NETO1: variants seen among roughly 807,000 people sequenced by gnomAD.
NETO1 encodes the protein neuropilin and tolloid-like protein 1.
In NETO1, 26 loss-of-function variants were observed where a neutral mutation model predicts 61.3. That is an observed-to-expected ratio of 0.42 (90% CI 0.31 to 0.59). NETO1 has a LOEUF of 0.59. Among genes scored for constraint, NETO1 ranks in the 20% least tolerant of loss-of-function variants. The pLI is 0.12. For synonymous variants in NETO1, 225 were observed against 225.8 expected, an observed-to-expected ratio of 1.00 and a Z score of 0.03; for missense variants, 531 against 662.8, an observed-to-expected ratio of 0.80 and a Z score of 2.18.
At chr18:72,859,505 C>A (rs2074504923) in intron 3 of NETO1, among the ~76,000 whole-genome samples, 1 of 152,118 alleles carries the variant, frequency 6.6e-6, no homozygotes, top group South Asian at 2.1e-4. Flanking sequence ...TTCAAATAAT[C>A]CAAGCCATGT....
chr18:72,791,912 T>C lies in NETO1; in HGVS notation c.639+2205A>G, dbSNP rs1464618758. On this transcript the variant is annotated intron_variant, in intron 6 of 10. Coordinates refer to ENST00000327305, the MANE Select transcript of NETO1 (RefSeq NM_138966.5). ...TTCATGTGAGCAACAGCTTTTGACT[T>C]AAAAAAATATAGAAGAAAAATAACT... Among the ~76,000 whole-genome samples the C allele has an allele frequency of 2.6e-5, 4 of 152,104 alleles. No homozygotes were observed. In the East Asian group the frequency reaches 7.7e-4, roughly 29 times the overall value.
At chr18:72,790,840 G>T (rs1309774268) in intron 6 of NETO1, among the ~76,000 whole-genome samples, 3 of 151,862 alleles carry the variant, frequency 2.0e-5, no homozygotes. Flanking sequence ...AGTTTTACTT[G>T]AGTCACAGAC....
intron 4 of NETO1, among the ~76,000 whole-genome samples, chr18:72,797,866 C>T (rs917373659): frequency 2.0e-5 from 3 of 152,160 alleles, no homozygotes; most frequent in African/African-American, 7.2e-5. Flanking sequence ...TGTCTCTCTG[C>T]AATAACTTTC....
intron 8 of NETO1, among the ~76,000 whole-genome samples, chr18:72,751,489 C>A (rs992574540): frequency 7.2e-5 from 11 of 152,290 alleles, no homozygotes; most frequent in African/African-American, 2.6e-4. Flanking sequence ...AAGCTACCAG[C>A]ATTTCTCAAT....
At chr18:72,846,534 A>AAAAAAAC (rs2074093515) in intron 4 of NETO1, among the ~76,000 whole-genome samples, 1 of 146,800 alleles carries the variant, frequency 6.8e-6, no homozygotes, top group Non-Finnish European at 1.5e-5. Context: ...AAAAAAAAAA[A>AAAAAAAC]GAAGATGCAT....
intron 4 of NETO1, among the ~76,000 whole-genome samples, chr18:72,850,581 T>A (rs369640314): frequency 6.6e-6 from 1 of 152,248 alleles, no homozygotes; most frequent in Non-Finnish European, 1.5e-5. Flanking sequence ...AGGGCTTTAG[T>A]AATTTGAAAA....
intron 7 of NETO1, among the ~76,000 whole-genome samples, chr18:72,763,322 C>T (rs988033588): frequency 1.4e-4 from 22 of 152,158 alleles, no homozygotes; most frequent in Middle Eastern, 3.4e-3. Context: ...AATTGGAAAA[C>T]GAAGTGATCC....
At chr18:72,835,510 T>C (rs1287885020) in intron 4 of NETO1, among the ~76,000 whole-genome samples, 2 of 152,158 alleles carry the variant, frequency 1.3e-5, no homozygotes, top group African/African-American at 4.8e-5. Context: ...CCTGAATTAG[T>C]GCTGAGGTAG....
At chr18:72,802,171 A>C (rs889085572) in intron 4 of NETO1, among the ~76,000 whole-genome samples, 9 of 131,516 alleles carry the variant, frequency 6.8e-5, no homozygotes, top group South Asian at 2.7e-4. Context: ...AAAAAAAAAA[A>C]CAGTATATTT....
intron 4 of NETO1, among the ~76,000 whole-genome samples, chr18:72,810,573 C>A (rs2072832192): frequency 6.6e-6 from 1 of 152,180 alleles, no homozygotes; most frequent in Non-Finnish European, 1.5e-5. Context: ...CAGTGTTATA[C>A]CACTTCTTTC....
At chr18:72,751,020 CT>C (rs1175526099) in intron 8 of NETO1, among the ~76,000 whole-genome samples, 2 of 145,248 alleles carry the variant, frequency 1.4e-5, no homozygotes, top group African/African-American at 2.6e-5. Context: ...AATAGCCCCC[CT>C]CCCCATCGTC....
At chr18:72,851,292 T>A (rs1353783001) in intron 4 of NETO1, among the ~76,000 whole-genome samples, 1 of 151,990 alleles carries the variant, frequency 6.6e-6, no homozygotes, top group Non-Finnish European at 1.5e-5. Flanking sequence ...ATGCTTGTAA[T>A]CCCAGCAACT....
At chr18:72,817,505 T>A (rs1411200275) in intron 4 of NETO1, among the ~76,000 whole-genome samples, 2 of 151,224 alleles carry the variant, frequency 1.3e-5, no homozygotes, top group Non-Finnish European at 2.9e-5. Context: ...ATGTTAGAGA[T>A]TTTTTTTTAA....
At chr18:72,811,189 T>C (rs1430778192) in intron 4 of NETO1, among the ~76,000 whole-genome samples, 1 of 152,162 alleles carries the variant, frequency 6.6e-6, no homozygotes, top group East Asian at 1.9e-4. Context: ...GGCACTCACT[T>C]TTCTGACGTC....
chr18:72,761,136 T>C (rs1708589837), intron 7 of NETO1, among the ~76,000 whole-genome samples: 1 of 152,192 alleles, frequency 6.6e-6, no homozygotes, highest in Non-Finnish European at 1.5e-5. Context: ...TTAAGATGTA[T>C]GATATAAACG....
intron 6 of NETO1, among the ~76,000 whole-genome samples, chr18:72,784,393 A>G (rs957664954): frequency 6.6e-6 from 1 of 152,228 alleles, no homozygotes; most frequent in South Asian, 2.1e-4. Context: ...ATTATTTAAC[A>G]TAAATACACT....
chr18:72,742,928 A>C (rs2070365103), downstream of NETO1, among the ~76,000 whole-genome samples: 1 of 152,198 alleles, frequency 6.6e-6, no homozygotes, highest in Non-Finnish European at 1.5e-5. Flanking sequence ...AAAGTATAGT[A>C]GAAGTAAAAA....
chr18:72,775,346 C>T (rs1568189849), intron 7 of NETO1, among the ~76,000 whole-genome samples: 1 of 152,170 alleles, frequency 6.6e-6, no homozygotes, highest in Admixed American at 6.5e-5. Flanking sequence ...TTAGTAAGAA[C>T]TTCATACCTC....
intron 4 of NETO1, among the ~76,000 whole-genome samples, chr18:72,856,561 G>C (rs2074415813): frequency 6.6e-6 from 1 of 152,140 alleles, no homozygotes; most frequent in Admixed American, 6.6e-5. Flanking sequence ...TCTGTGAGTT[G>C]CTCAATATTA....
Sources: allele counts gnomAD v4.1 joint callset (sites outside exome capture counted in the v4.1 genomes callset), GRCh38; gene constraint gnomAD v4.1.1; transcripts MANE v1.5; gene names NCBI Gene and HGNC (gene_info 2026-07-23, HGNC 2026-07-21).